The following CYP7B1 variants were observed in gnomAD, a reference collection of about 807,000 sequenced individuals.
The protein encoded by CYP7B1 is cytochrome P450 7B1.
In CYP7B1, 29 loss-of-function variants were observed where a neutral mutation model predicts 42.7. The ratio of observed to expected loss-of-function variants is 0.68; its 90% CI spans 0.51 to 0.93. CYP7B1 has a LOEUF of 0.93. Among genes scored for constraint, CYP7B1 ranks in the 40% least tolerant of loss-of-function variants. The probability of loss-of-function intolerance (pLI) is 0.00; values close to 1 mark genes in which losing one functional copy is unlikely to be tolerated. For synonymous variants in CYP7B1, 235 were observed against 218.2 expected (o/e 1.08, Z -0.68); for missense variants, 655 against 600.5 (o/e 1.09, Z -0.95).
intron 1 of CYP7B1, among the ~76,000 whole-genome samples, chr8:64,786,450 T>C (rs1456539438): frequency 2.6e-5 from 4 of 152,148 alleles, no homozygotes; most frequent in South Asian, 2.1e-4. Context: ...CAAAAACCAA[T>C]AGGGCAGTCA....
At chr8:64,778,928 A>G (rs1388661266) in intron 1 of CYP7B1, among the ~76,000 whole-genome samples, 1 of 152,160 alleles carries the variant, frequency 6.6e-6, no homozygotes, top group African/African-American at 2.4e-5. Context: ...GCATTTGCCA[A>G]TGTTGACCGT....
chr8:64,793,520 A>G (rs1257800049), intron 1 of CYP7B1, among the ~76,000 whole-genome samples: 2 of 152,108 alleles, frequency 1.3e-5, no homozygotes, highest in African/African-American at 4.8e-5. Flanking sequence ...ACCTAAGTCT[A>G]TTATGATACA....
intron 1 of CYP7B1, among the ~76,000 whole-genome samples, chr8:64,784,099 A>G (rs1240241394): frequency 1.3e-5 from 2 of 152,164 alleles, no homozygotes; most frequent in African/African-American, 4.8e-5. Flanking sequence ...CTAGTTTGAG[A>G]AGCATCACAA....
At chr8:64,604,932 C>T (rs1563539847) in intron 4 of CYP7B1, 75 bp from the exon 5 acceptor site, 59 of 1,455,620 alleles carry the variant, frequency 4.1e-5, no homozygotes, top group Non-Finnish European at 5.5e-5. Flanking sequence ...TGCAATAAAA[C>T]TCATTACTAA....
At chr8:64,637,292 GC>G (rs1234677870) in intron 1 of CYP7B1, among the ~76,000 whole-genome samples, 3 of 152,074 alleles carry the variant, frequency 2.0e-5, no homozygotes, top group African/African-American at 7.2e-5. Context: ...AAAGCCTGAG[GC>G]CCCATATGCT....
chr8:64,597,803 T>C (rs1805140578), intron 5 of CYP7B1, among the ~76,000 whole-genome samples: 2 of 152,230 alleles, frequency 1.3e-5, no homozygotes, highest in Non-Finnish European at 2.9e-5. Context: ...ATTAAATTAA[T>C]GTCCGTGGCT....
intron 1 of CYP7B1, among the ~76,000 whole-genome samples, chr8:64,632,355 A>T (rs1204618338): frequency 6.6e-6 from 1 of 152,164 alleles, no homozygotes; most frequent in Non-Finnish European, 1.5e-5. Context: ...CTTATGTGAG[A>T]TATCTACGAT....
At chr8:64,655,999 G>A (rs1806114939) in intron 1 of CYP7B1, among the ~76,000 whole-genome samples, 1 of 152,054 alleles carries the variant, frequency 6.6e-6, no homozygotes, top group Admixed American at 6.5e-5. Context: ...ACAGACACTG[G>A]GGTCTACTTG....
intron 1 of CYP7B1, among the ~76,000 whole-genome samples, chr8:64,765,729 T>C (rs1168146729): frequency 6.6e-6 from 1 of 152,194 alleles, no homozygotes; most frequent in Non-Finnish European, 1.5e-5. Flanking sequence ...AGAAAATGAC[T>C]AGGGGTGCTG....
intron 1 of CYP7B1, among the ~76,000 whole-genome samples, chr8:64,714,408 C>T (rs767911899): frequency 6.6e-5 from 10 of 152,176 alleles, no homozygotes; most frequent in Non-Finnish European, 1.0e-4. Context: ...CGCCATTTAA[C>T]CATGGACTAA....
At chr8:64,677,940 CAA>C (rs1806476788) in intron 1 of CYP7B1, among the ~76,000 whole-genome samples, 1 of 151,946 alleles carries the variant, frequency 6.6e-6, no homozygotes, top group Admixed American at 6.6e-5. Flanking sequence ...TAAAGGAACC[CAA>C]GACAGATTTC....
chr8:64,626,703 T>C (rs1383441486), intron 1 of CYP7B1, among the ~76,000 whole-genome samples: 1 of 152,212 alleles, frequency 6.6e-6, no homozygotes, highest in Non-Finnish European at 1.5e-5. Context: ...CTCAATCTGA[T>C]TTAAAGTAAA....
chr8:64,593,389 T>C lies in CYP7B1; in HGVS notation c.*3253A>G, dbSNP rs1038595797. Among the ~76,000 whole-genome samples, 1 of 151,978 alleles carries C rather than the reference T, an allele frequency of 6.6e-6. No homozygotes were observed. Among genetic ancestry groups the C allele is most frequent in the Admixed American group, 6.6e-5 (1 of 15,246 alleles). On this transcript the variant is annotated 3_prime_UTR_variant, in exon 6 of 6. Transcript: ENST00000310193. ...CCACAGAGCAAAACTGTCAGTATAT[T>C]TGCCTATCTCAGTCTTAGCTCCGGG... is the stretch of plus-strand genomic sequence containing the variant.
intron 1 of CYP7B1, among the ~76,000 whole-genome samples, chr8:64,747,590 C>T (rs1035191755): frequency 2.6e-5 from 4 of 151,592 alleles, no homozygotes; most frequent in African/African-American, 9.7e-5. Flanking sequence ...AGGGGTTGAC[C>T]TTGTTTCAGG....
At position 64,615,133 on chromosome 8, in the gene CYP7B1, G is replaced by T; in HGVS notation, c.950C>A (p.Ala317Glu). 6.2e-7 allele frequency: 1 copy of T among 1,613,598 alleles called. No homozygotes were observed. The highest frequency in any genetic ancestry group is 8.5e-7 in the Non-Finnish European group (1 of 1,179,798). Residue 317 changes from alanine (A) to glutamate (E), a missense_variant, in exon 4 of 6, where the codon GCA becomes GAA. Physicochemically the swap from Ala to Glu is moderately radical, Grantham distance 107. Transcript: ENST00000310193. ...YLLRHPEAMAAVRDEIDRLLQ... is the reference protein window; with the variant it reads ...YLLRHPEAMAEVRDEIDRLLQ... ...CAAACGGTCAATTTCGTCACGCACT[G>T]CTGCCATAGCTTCTGGGTGCCGCAG...
In CYP7B1 at chr8:64,697,920, G is replaced by A. The variant is rs376721532; in HGVS notation, c.123-73381C>T. Among the ~76,000 whole-genome samples, 6 of 152,174 alleles carry A rather than the reference G, an allele frequency of 3.9e-5. No individual in the cohort carries two copies. The East Asian group carries it at 9.6e-4, about 24-fold the overall frequency. Reference sequence around the variant, plus strand: ...TTCATTTTTTAAATCCTGACCAAGAGAGACAAGACAGGGCTCACATAGACC... The same window carrying A: ...TTCATTTTTTAAATCCTGACCAAGAAAGACAAGACAGGGCTCACATAGACC... On this transcript the variant is annotated intron_variant, in intron 1 of 5. Transcript: ENST00000310193.
At chr8:64,649,068 A>G (rs4507804) in intron 1 of CYP7B1, among the ~76,000 whole-genome samples, 75,402 of 152,008 alleles carry the variant, frequency 0.5, 20,129 homozygotes, top group Non-Finnish European at 0.58. Flanking sequence ...CACTATTGTA[A>G]AACAGATCTC....
chr8:64,725,411 C>T (rs1390484675), intron 1 of CYP7B1, among the ~76,000 whole-genome samples: 2 of 152,178 alleles, frequency 1.3e-5, no homozygotes, highest in Non-Finnish European at 2.9e-5. Context: ...CCCCCTGTGT[C>T]AAGTTAGGTA....
chr8:64,748,165 G>A (rs1486913124), intron 1 of CYP7B1, among the ~76,000 whole-genome samples: 1 of 152,126 alleles, frequency 6.6e-6, no homozygotes, highest in Admixed American at 6.5e-5. Context: ...CCACTATTCA[G>A]TCATCTTTGC....
Sources: gnomAD v4.1 joint callset for allele counts (sites outside exome capture counted in the v4.1 genomes callset) on GRCh38, gnomAD v4.1.1 for gene constraint, MANE v1.5 for transcripts, NCBI Gene and HGNC (gene_info 2026-07-23, HGNC 2026-07-21) for gene names.